The following CDK18 variants were observed in gnomAD, a reference collection of about 807,000 sequenced individuals.
CDK18 encodes cyclin dependent kinase 18.
Under a neutral mutation model 62.0 loss-of-function variants are expected in CDK18, and 52 were observed. The ratio of observed to expected loss-of-function variants is 0.84; its 90% CI spans 0.67 to 1.06. The LOEUF (loss-of-function observed/expected upper bound fraction) is 1.06, where lower values mean the gene tolerates loss of function less well. Among genes scored for constraint, CDK18 ranks in the 50% least tolerant of loss-of-function variants. The pLI is 0.00. For synonymous variants in CDK18, 237 were observed against 247.0 expected, an observed-to-expected ratio of 0.96 and a Z score of 0.38; for missense variants, 604 against 619.9, an observed-to-expected ratio of 0.97 and a Z score of 0.27.
Position 205,528,394 on chromosome 1 carries a change from C to A in CDK18, c.974+226C>A, listed in dbSNP as rs980601002. 2.0e-5 allele frequency among the ~76,000 whole-genome samples: 3 copies of A among 152,138 alleles called. No homozygotes were observed. Among genetic ancestry groups the A allele is most frequent in the African/African-American group, 7.2e-5 (3 of 41,424 alleles). ...CCCAAGCCTGTGCATTTGAAATCCT[C>A]CCCCAGAGGCCTGTGGGGGGTTACC... is the stretch of plus-strand genomic sequence containing the variant. On this transcript the variant is annotated intron_variant, in intron 10 of 15. Coordinates refer to ENST00000429964, the MANE Select transcript of CDK18 (RefSeq NM_212502.3). This position sits in a 1 kb window ranked among gnomAD's most constrained non-coding sequence, Gnocchi z 4.2.
At position 205,526,165 on chromosome 1, in the gene CDK18, C is replaced by A; in HGVS notation, c.557C>A (p.Thr186Asn). ...GAGCACGAGGAGGGAGCGCCCTGCA[C>A]TGCCATCCGAGAGGGTACAGCATCC... Reference protein sequence around the residue: ...RLEHEEGAPCTAIREVSLLKN... With the variant: ...RLEHEEGAPCNAIREVSLLKN... The change falls in exon 6 of 16, where the codon ACT becomes AAT. Residue 186 changes from threonine (T) to asparagine (N), a missense_variant. By Grantham distance (65) the Thr-to-Asn change is moderately conservative. Transcript: ENST00000429964. 6.2e-7 allele frequency: 1 copy of A among 1,613,704 alleles called. No individual in the cohort carries two copies. The highest frequency in any genetic ancestry group is 8.5e-7 in the Non-Finnish European group (1 of 1,179,688).
At chr1:205,524,520 A>G (rs1307114939) in intron 4 of CDK18, among the ~76,000 whole-genome samples, 163 bp downstream of exon 4, 1 of 152,158 alleles carries the variant, frequency 6.6e-6, no homozygotes, top group East Asian at 1.9e-4. Flanking sequence ...GTCCTCCTAC[A>G]TCAACATCCA....
intron 13 of CDK18, 134 bp from the exon 14 acceptor site, chr1:205,530,125 A>G (rs1668662930): frequency 6.7e-7 from 1 of 1,492,956 alleles, no homozygotes; most frequent in Non-Finnish European, 8.9e-7. Context: ...TAGGGGCTGG[A>G]GGCTGACCTG....
chr1:205,526,550 T>A, intron 7 of CDK18, 89 bp downstream of exon 7: 1 of 1,124,886 alleles, frequency 8.9e-7, no homozygotes, highest in Non-Finnish European at 1.4e-6. Flanking sequence ...GGAGTGGGAG[T>A]AGTGGGATGA....
rs2102328047 is a variant in CDK18 at position 205,532,145 on chromosome 1, G to A, written c.*767G>A. ...CAGCCAGCCCCCGCCCAGCTCATCA[G>A]TCTGAATGGAGTTGCCTTAAATTGG... On this transcript the variant is annotated 3_prime_UTR_variant, in exon 16 of 16. Transcript: ENST00000429964. The A allele has an allele frequency of 6.5e-6, 1 of 152,956 alleles. No individual in the cohort carries two copies. The highest frequency in any genetic ancestry group is 2.1e-4 in the South Asian group (1 of 4,824). 9.5% of individuals were successfully genotyped at this position (152,956 alleles called of 1,614,324 possible).
At chr1:205,526,339 G>C (rs1252266279) in intron 6 of CDK18, 28 bp from the exon 7 acceptor site, 1 of 1,592,758 alleles carries the variant, frequency 6.3e-7, no homozygotes, top group African/African-American at 1.3e-5. Context: ...GGGGTCCTAG[G>C]GACCCAGGTG....
rs145302776 is a variant in CDK18 at position 205,527,892 on chromosome 1, G to A, written c.828G>A (p.Arg276=). The part of the protein sequence containing the change: ...LKPQNLLINE[R]GELKLADFGL... The stretch of plus-strand genomic sequence containing the variant: ...CCCAGAACCTGCTCATCAACGAGAG[G>A]GGGGAGCTGAAGCTGGCCGACTTTG... The change falls in exon 9 of 16, where the codon AGG becomes AGA. Residue 276 remains arginine (R), a synonymous_variant. Transcript: ENST00000429964. The surrounding 1 kb of genome is among the most constrained non-coding windows in gnomAD (Gnocchi z 4.1). The A allele has an allele frequency of 6.8e-5, 110 of 1,614,034 alleles. No homozygotes were observed. The highest frequency in any genetic ancestry group is 1.3e-4 in the African/African-American group (10 of 74,928).
At position 205,531,370 on chromosome 1, in the gene CDK18, A is replaced by C. The variant is rs773586784; in HGVS notation, c.1417A>C (p.Ile473Leu). Residue 473 changes from isoleucine (I) to leucine (L), a missense_variant, in exon 16 of 16, where the codon ATC becomes CTC. Physicochemically the swap from Ile to Leu is conservative, Grantham distance 5. Transcript: ENST00000429964. ...PGRGKNRRQS[I>L]F is the part of the protein sequence containing the mutation. Reference sequence around the variant, plus strand: ...ACGAGGGAAGAACAGGCGGCAGAGCATCTTCTGAGCCACGCCCACCTTGCT... The same window carrying C: ...ACGAGGGAAGAACAGGCGGCAGAGCCTCTTCTGAGCCACGCCCACCTTGCT... The C allele has an allele frequency of 2.0e-5, 33 of 1,614,138 alleles. 1 individual carries two copies. In the South Asian group the frequency reaches 3.5e-4, roughly 17 times the overall value.
At position 205,530,672 on chromosome 1, in the gene CDK18, C is replaced by G; in HGVS notation, c.1357C>G (p.Pro453Ala). 1.9e-6 allele frequency: 3 copies of G among 1,613,918 alleles called. No homozygotes were observed. Among genetic ancestry groups the G allele is most frequent in the Non-Finnish European group, 1.7e-6 (2 of 1,180,018 alleles). The change falls in exon 15 of 16, where the codon CCA (proline) becomes GCA (alanine). Residue 453 changes from proline (P) to alanine (A), a missense_variant. Transcript: ENST00000429964. ...GAAGGAGATCCAGCTCCAGAAGGACCCAGGCTACCGAGGCTTGGCCTTCCA... is the reference window on the plus strand; with the variant it reads ...GAAGGAGATCCAGCTCCAGAAGGACGCAGGCTACCGAGGCTTGGCCTTCCA... ...SLKEIQLQKD[P>A]GYRGLAFQQP...
chr1:205,509,183 G>A (rs1295511293), intron 1 of CDK18, among the ~76,000 whole-genome samples: 2 of 152,166 alleles, frequency 1.3e-5, no homozygotes, highest in Non-Finnish European at 2.9e-5. Flanking sequence ...CTCCCTGACA[G>A]CATGAGTAAC....
Position 205,527,514 on chromosome 1 carries a change from T to A in CDK18, c.730-280T>A. 7 of 361,404 alleles carry A rather than the reference T, an allele frequency of 1.9e-5. No homozygotes were observed. Among genetic ancestry groups the A allele is most frequent in the Admixed American group, 4.2e-5 (1 of 23,684 alleles). 22.4% of individuals were successfully genotyped at this position (361,404 alleles called of 1,614,324 possible). ...AAAAAAAAAAAAGGGATCAAGCACA[T>A]ATGTCTCCACATAGGCGGGCATCCT... is the stretch of plus-strand genomic sequence containing the variant. On this transcript the variant is annotated intron_variant, in intron 8 of 15. Transcript: ENST00000429964. The surrounding 1 kb of genome is among the most constrained non-coding windows in gnomAD (Gnocchi z 4.1).
chr1:205,527,672 G>A lies in CDK18; in HGVS notation c.730-122G>A. 2 of 906,912 alleles carry A rather than the reference G, an allele frequency of 2.2e-6. No individual in the cohort carries two copies. The highest frequency in any genetic ancestry group is 2.3e-4 in the Middle Eastern group (1 of 4,436). 56.2% of individuals were successfully genotyped at this position (906,912 alleles called of 1,614,324 possible). On this transcript the variant is annotated intron_variant, in intron 8 of 15. Coordinates refer to ENST00000429964, the MANE Select transcript of CDK18 (RefSeq NM_212502.3). The surrounding 1 kb of genome is among the most constrained non-coding windows in gnomAD (Gnocchi z 4.1). ...GTCCAGGATGGGGGCTGCAGGGTGT[G>A]CAGGAGAATGAGGGGCTTGTGCTGA...
In CDK18 at chr1:205,529,367, T is replaced by A; in HGVS notation, c.1116T>A (p.Ser372=). ...CGTGGCCCGGCGTGACCGCCTTCTCTGAGTTCCGCACCTACAGCTTCCCCT... is the reference window on the plus strand; with the variant it reads ...CGTGGCCCGGCGTGACCGCCTTCTCAGAGTTCCGCACCTACAGCTTCCCCT... ...EETWPGVTAF[S]EFRTYSFPCY... is the part of the protein sequence containing the mutation. Residue 372 remains serine (S), a synonymous_variant, in exon 12 of 16, where the codon TCT becomes TCA. Transcript: ENST00000429964. 6.2e-7 allele frequency: 1 copy of A among 1,613,888 alleles called. No individual in the cohort carries two copies. The highest frequency in any genetic ancestry group is 8.5e-7 in the Non-Finnish European group (1 of 1,179,826).
At chr1:205,530,442 G>T in intron 14 of CDK18, 93 bp downstream of exon 14, 2 of 1,372,272 alleles carry the variant, frequency 1.5e-6, no homozygotes, top group South Asian at 1.2e-5. Context: ...GAGGCCAGAG[G>T]CCCCAGCCCC....
At chr1:205,524,509 C>T (rs1283166450) in intron 4 of CDK18, 152 bp downstream of exon 4, 4 of 792,108 alleles carry the variant, frequency 5.0e-6, no homozygotes, top group Non-Finnish European at 6.0e-6. Context: ...TCAACTAGCT[C>T]GTCCTCCTAC....
At position 205,516,535 on chromosome 1, in the gene CDK18, G is replaced by A. The variant is rs75214089; in HGVS notation, c.-21-6612G>A. 0.055 allele frequency among the ~76,000 whole-genome samples: 8,398 copies of A among 152,146 alleles called. 593 individuals carry two copies. Among genetic ancestry groups the A allele is most frequent in the African/African-American group, 0.17 (6,845 of 41,472 alleles). ...TGGGGATGCATCTAACATGTGCCTG[G>A]AACACAGCAGGTGCTCCACATGTGC... On this transcript the variant is annotated intron_variant, in intron 1 of 15. Coordinates refer to ENST00000429964, the MANE Select transcript of CDK18 (RefSeq NM_212502.3). This position sits in a 1 kb window ranked among gnomAD's most constrained non-coding sequence, Gnocchi z 4.8.
rs1360461206 is a variant in CDK18, at chr1:205,531,880, AC to A, written c.*505del. On this transcript the variant is annotated 3_prime_UTR_variant, in exon 16 of 16. Transcript: ENST00000429964. ...GAAGAGACATGGCATGTTCTCTGGG[AC>A]CCTGGAATCCTAGGTACCCACATGT... 2.9e-5 allele frequency: 5 copies of A among 171,644 alleles called. 1 individual carries two copies. Among genetic ancestry groups the A allele is most frequent in the Admixed American group, 1.1e-4 (2 of 18,046 alleles). The allele number at this position is 171,644 out of a possible 1,614,324, so 10.6% of individuals were successfully genotyped here. A position where few individuals can be genotyped will look rare whatever the true frequency, so the allele number is the denominator to read the frequency against.
intron 13 of CDK18, 194 bp from the exon 14 acceptor site, chr1:205,530,065 C>T (rs1668659742): frequency 7.0e-7 from 1 of 1,427,190 alleles, no homozygotes; most frequent in Non-Finnish European, 9.1e-7. Context: ...TGGCTGGAGA[C>T]CGAGGAGCCT....
rs1256253194 is a variant in CDK18, at chr1:205,510,082, A to AC, written c.-22+5286_-22+5287insC. Among the ~76,000 whole-genome samples the AC allele has an allele frequency of 4.6e-5, 7 of 151,384 alleles. No individual in the cohort carries two copies. In the South Asian group the frequency reaches 1.5e-3, roughly 32 times the overall value. ...GTGACAGAGCAAGACTTTGTCTCAA[A>AC]AAAAAAAAAAAAATTTCTACCCTCC... On this transcript the variant is annotated intron_variant, in intron 1 of 15. Transcript: ENST00000429964.
Sources: gnomAD v4.1 joint callset for allele counts (sites outside exome capture counted in the v4.1 genomes callset) on GRCh38, gnomAD v4.1.1 for gene constraint, Gnocchi (gnomAD v3.1) non-coding constraint, MANE v1.5 for transcripts, NCBI Gene and HGNC (gene_info 2026-07-23, HGNC 2026-07-21) for gene names.